PUM2: variants seen among roughly 807,000 people sequenced by gnomAD.
The protein encoded by PUM2 is pumilio RNA binding family member 2.
In PUM2, 57 loss-of-function variants were observed where a neutral mutation model predicts 124.5. That is an observed-to-expected ratio of 0.46 (90% CI 0.37 to 0.57). The LOEUF (loss-of-function observed/expected upper bound fraction) is 0.57, where lower values mean the gene tolerates loss of function less well. Among genes scored for constraint, PUM2 ranks in the 20% least tolerant of loss-of-function variants. The pLI is 0.00. For missense variants in PUM2, 1,065 were observed against 1,290.6 expected, an observed-to-expected ratio of 0.83 and a Z score of 2.68; for synonymous variants, 460 against 446.1, an observed-to-expected ratio of 1.03 and a Z score of -0.39.
chr2:20,327,117 A>G (rs551617881), intron 2 of PUM2, among the ~76,000 whole-genome samples, 193 bp downstream of exon 2: 1 of 151,996 alleles, frequency 6.6e-6, no homozygotes, highest in African/African-American at 2.4e-5. Context: ...CACACTAAAA[A>G]TTACTGCTAA....
intron 1 of PUM2, among the ~76,000 whole-genome samples, chr2:20,348,180 A>AATG (rs1688610623): frequency 6.6e-6 from 1 of 151,240 alleles, no homozygotes; most frequent in South Asian, 2.1e-4. Flanking sequence ...TAATAATAAT[A>AATG]ATAATAATAA....
At chr2:20,266,260 T>C (rs918998834) in intron 13 of PUM2, among the ~76,000 whole-genome samples, 16 of 152,040 alleles carry the variant, frequency 1.1e-4, no homozygotes, top group African/African-American at 3.6e-4. Flanking sequence ...TTGGGCAACA[T>C]GGCAAAACCC....
rs1046295029 is a variant in PUM2 at position 20,326,497 on chromosome 2, T to C, written c.51+813A>G. 7 of 912,892 alleles carry C rather than the reference T, an allele frequency of 7.7e-6. No homozygotes were observed. The African/African-American group carries it at 1.2e-4, about 16-fold the overall frequency. 56.5% of individuals were successfully genotyped at this position (912,892 alleles called of 1,614,324 possible). ...TTACACATCTTAGGTCTGTTCACTG[T>C]TATCTTCTATTATCAAAGTCTACGT... On this transcript the variant is annotated intron_variant, in intron 2 of 20. Transcript: ENST00000361078.
intron 5 of PUM2, among the ~76,000 whole-genome samples, chr2:20,310,365 G>A (rs1679336376): frequency 6.6e-6 from 1 of 151,926 alleles, no homozygotes; most frequent in Non-Finnish European, 1.5e-5. Flanking sequence ...AAAAATAGAG[G>A]ACATTAGGAA....
chr2:20,294,148 C>T (rs927224647), intron 9 of PUM2, among the ~76,000 whole-genome samples: 34 of 152,060 alleles, frequency 2.2e-4, no homozygotes, highest in Admixed American at 1.6e-3. Context: ...ATTTCAAGAT[C>T]GCAAAATAAC....
chr2:20,312,530 G>C, intron 3 of PUM2, 107 bp from the exon 4 acceptor site: 1 of 1,028,136 alleles, frequency 9.7e-7, no homozygotes, highest in Non-Finnish European at 1.4e-6. Context: ...GTTTTATTTT[G>C]AATGTTATTA....
chr2:20,272,358 G>A (rs1360112569), intron 13 of PUM2, among the ~76,000 whole-genome samples: 2 of 152,176 alleles, frequency 1.3e-5, no homozygotes, highest in African/African-American at 4.8e-5. Context: ...ATGTGTATGT[G>A]TGGTGTGAAA....
chr2:20,350,734 C>A lies in PUM2; in HGVS notation c.-156G>T, dbSNP rs1314892768. On this transcript the variant is annotated 5_prime_UTR_variant, in exon 1 of 21. Transcript: ENST00000361078. Reference sequence around the variant, plus strand: ...TTTCTCCACCTACCACCCTCCCCCCCCACCCCACCTCCTCCTTCTCCTCCC... The same window carrying A: ...TTTCTCCACCTACCACCCTCCCCCCACACCCCACCTCCTCCTTCTCCTCCC... The A allele has an allele frequency of 3.1e-6, 3 of 969,136 alleles. No individual in the cohort carries two copies. Among genetic ancestry groups the A allele is most frequent in the Non-Finnish European group, 3.7e-6 (3 of 818,370 alleles). 60.0% of individuals were successfully genotyped at this position (969,136 alleles called of 1,614,324 possible). A position where few individuals can be genotyped will look rare whatever the true frequency, so the allele number is the denominator to read the frequency against.
chr2:20,251,412 C>T lies in PUM2; in HGVS notation c.*173G>A. ...ATAATTTATAATTCATCCCCCACCC[C>T]CCAAATATACACAAGAACCTTAAAA... On this transcript the variant is annotated 3_prime_UTR_variant, in exon 21 of 21. Transcript: ENST00000361078. The T allele has an allele frequency of 1.3e-6, 1 of 749,388 alleles. No individual in the cohort carries two copies. The highest frequency in any genetic ancestry group is 3.0e-5 in the East Asian group (1 of 33,310). 46.4% of individuals were successfully genotyped at this position (749,388 alleles called of 1,614,324 possible).
rs1558452194 is a variant in PUM2, at chr2:20,249,079, T to C, written c.*2506A>G. The C allele has an allele frequency of 6.6e-6, 1 of 152,094 alleles. No individual in the cohort carries two copies. The highest frequency in any genetic ancestry group is 2.1e-4 in the South Asian group (1 of 4,824). 9.4% of individuals were successfully genotyped at this position (152,094 alleles called of 1,614,324 possible). A position where few individuals can be genotyped will look rare whatever the true frequency, so the allele number is the denominator to read the frequency against. The stretch of plus-strand genomic sequence containing the variant: ...GCCTGAAAGTATTGGGAAGATTGGG[T>C]TGTCAGCACTGGGACAAATGGGAAT... On this transcript the variant is annotated 3_prime_UTR_variant, in exon 21 of 21. Transcript: ENST00000361078.
intron 17 of PUM2, 74 bp from the exon 18 acceptor site, chr2:20,255,415 G>GTT (rs66951840): frequency 1.5e-3 from 1,732 of 1,144,656 alleles, no homozygotes; most frequent in East Asian, 2.7e-3. Flanking sequence ...AGACTGGTTT[G>GTT]TTTTTTTTTT....
chr2:20,259,912 A>C (rs572411955), intron 15 of PUM2, among the ~76,000 whole-genome samples: 44 of 152,268 alleles, frequency 2.9e-4, no homozygotes, highest in African/African-American at 1.1e-3. Context: ...GAGGGCTCTA[A>C]TTTCTCCATA....
chr2:20,254,837 C>T, intron 19 of PUM2, 26 bp downstream of exon 19: 1 of 1,607,338 alleles, frequency 6.2e-7, no homozygotes, highest in South Asian at 1.1e-5. Context: ...AGAATTGACC[C>T]TTAAAATTAC....
intron 19 of PUM2, 97 bp from the exon 20 acceptor site, chr2:20,254,111 A>C: frequency 9.5e-7 from 1 of 1,054,284 alleles, no homozygotes; most frequent in Non-Finnish European, 1.4e-6. Flanking sequence ...TGAACAATAA[A>C]ACAGAAGTCA....
intron 4 of PUM2, 126 bp downstream of exon 4, chr2:20,312,110 A>G (rs1242850707): frequency 2.4e-6 from 2 of 834,842 alleles, no homozygotes; most frequent in Non-Finnish European, 3.6e-6. Flanking sequence ...GAATAGCAAT[A>G]ATAGTTACAA....
upstream of PUM2, among the ~76,000 whole-genome samples, chr2:20,352,015 TA>T (rs1408107125): frequency 2.0e-5 from 3 of 152,164 alleles, no homozygotes; most frequent in African/African-American, 7.2e-5. Flanking sequence ...CCAAGCATGT[TA>T]AAAACTGAAG....
chr2:20,321,557 T>TA (rs1682373172), intron 2 of PUM2, among the ~76,000 whole-genome samples: 1 of 152,152 alleles, frequency 6.6e-6, no homozygotes, highest in Non-Finnish European at 1.5e-5. Context: ...GGGGATCTAC[T>TA]AGCTGGTGAC....
Position 20,251,725 on chromosome 2 carries a change from CAAAT to C in PUM2, c.3064-13_3064-10del. On this transcript the variant is annotated splice_polypyrimidine_tract_variant and intron_variant, in intron 20 of 20. Transcript: ENST00000361078. Reference sequence around the variant, plus strand: ...GTAATGTGAGGTCGAATCTGAAAAACAAATAATCTGCTTAGAAAATCTAAGTCAT... The same window carrying C: ...GTAATGTGAGGTCGAATCTGAAAAACAATCTGCTTAGAAAATCTAAGTCAT... 1 of 1,611,196 alleles carries C rather than the reference CAAAT, an allele frequency of 6.2e-7. No homozygotes were observed. The highest frequency in any genetic ancestry group is 8.5e-7 in the Non-Finnish European group (1 of 1,178,376).
intron 14 of PUM2, among the ~76,000 whole-genome samples, chr2:20,262,468 A>G (rs1003712040): frequency 3.3e-5 from 5 of 152,240 alleles, no homozygotes; most frequent in African/African-American, 1.2e-4. Context: ...GTAGGTGTGT[A>G]GTAGGCTATG....
Sources: allele counts gnomAD v4.1 joint callset (sites outside exome capture counted in the v4.1 genomes callset), GRCh38; gene constraint gnomAD v4.1.1; transcripts MANE v1.5; gene names NCBI Gene and HGNC (gene_info 2026-07-23, HGNC 2026-07-21).